DTNA: variants seen among roughly 807,000 people sequenced by gnomAD.
DTNA encodes the protein dystrobrevin alpha.
Under a neutral mutation model 100.7 loss-of-function variants are expected in DTNA, and 43 were observed. The observed-to-expected ratio is 0.43, with a 90% CI of 0.33 to 0.55. The LOEUF (loss-of-function observed/expected upper bound fraction) is 0.55. Among genes scored for constraint, DTNA ranks in the 20% least tolerant of loss-of-function variants. The pLI is 0.04. For missense variants in DTNA, 798 were observed against 953.9 expected (o/e 0.84, Z 2.15); for synonymous variants, 349 against 347.9 (o/e 1.00, Z -0.04).
chr18:34,774,629 C>T (rs2093952276), intron 3 of DTNA, among the ~76,000 whole-genome samples: 1 of 152,150 alleles, frequency 6.6e-6, no homozygotes, highest in African/African-American at 2.4e-5. Flanking sequence ...GAAATTCATC[C>T]CTATTTGCAT....
rs150909434 is a variant in DTNA at position 34,791,991 on chromosome 18, G to A, written c.149-2046G>A. Among the ~76,000 whole-genome samples the A allele has an allele frequency of 1.6e-3, 237 of 152,290 alleles. 1 individual carries two copies. Among genetic ancestry groups the A allele is most frequent in the African/African-American group, 5.0e-3 (209 of 41,560 alleles). On this transcript the variant is annotated intron_variant, in intron 3 of 22. Coordinates refer to ENST00000444659, the MANE Select transcript of DTNA (RefSeq NM_001386795.1). ...CCAAGTCCAGTGCTCCTTGAGCACA[G>A]GTATCTTCCCTTCATAACATAAAAC...
intron 17 of DTNA, among the ~76,000 whole-genome samples, chr18:34,871,850 AC>A (rs977395787): frequency 2.0e-5 from 3 of 152,152 alleles, no homozygotes; most frequent in Admixed American, 6.5e-5. Context: ...TCAGTGTCCT[AC>A]CCCCAAAAGT....
At chr18:34,841,074 C>T (rs1365964836) in intron 13 of DTNA, among the ~76,000 whole-genome samples, 1 of 149,738 alleles carries the variant, frequency 6.7e-6, no homozygotes, top group Non-Finnish European at 1.5e-5. Context: ...CATAATTTCT[C>T]CTAGTCCTTA....
At chr18:34,737,017 C>G (rs2089739035) in intron 1 of DTNA, among the ~76,000 whole-genome samples, 1 of 152,034 alleles carries the variant, frequency 6.6e-6, no homozygotes, top group Non-Finnish European at 1.5e-5. Flanking sequence ...TCCTTCAAAA[C>G]CAGGGAGTAG....
intron 1 of DTNA, among the ~76,000 whole-genome samples, chr18:34,618,842 A>T (rs1182551656): frequency 6.6e-6 from 1 of 152,192 alleles, no homozygotes; most frequent in Non-Finnish European, 1.5e-5. Context: ...CCATGTACCA[A>T]TTAATTTATT....
chr18:34,830,773 G>T (rs16966047), intron 11 of DTNA, among the ~76,000 whole-genome samples: 2 of 152,126 alleles, frequency 1.3e-5, no homozygotes, highest in Non-Finnish European at 2.9e-5. Context: ...TTGATGGACC[G>T]ATTCACTTCA....
At chr18:34,648,928 A>G (rs541827964) in intron 1 of DTNA, among the ~76,000 whole-genome samples, 15 of 152,322 alleles carry the variant, frequency 9.8e-5, no homozygotes, top group African/African-American at 3.4e-4. Context: ...ATTTTGGACA[A>G]TCTTTAATAT....
At chr18:34,597,039 TC>T (rs2050770061) in intron 1 of DTNA, among the ~76,000 whole-genome samples, 1 of 152,100 alleles carries the variant, frequency 6.6e-6, no homozygotes, top group Non-Finnish European at 1.5e-5. Context: ...TGTGTGATGT[TC>T]CCCTCCCTGT....
chr18:34,873,419 G>C (rs1432874743), intron 17 of DTNA, among the ~76,000 whole-genome samples: 2 of 152,190 alleles, frequency 1.3e-5, no homozygotes, highest in Non-Finnish European at 2.9e-5. Flanking sequence ...CCTTAAAAAG[G>C]GTGTACAAGA....
At chr18:34,867,149 G>A in intron 17 of DTNA, 1 of 1,231,230 alleles carries the variant, frequency 8.1e-7, no homozygotes, top group Non-Finnish European at 1.0e-6. Context: ...ACCACAACCT[G>A]TCCAATTTCA....
At chr18:34,659,295 T>A (rs2074834234) in intron 1 of DTNA, among the ~76,000 whole-genome samples, 1 of 152,242 alleles carries the variant, frequency 6.6e-6, no homozygotes, top group Admixed American at 6.5e-5. Flanking sequence ...AAAACTATTA[T>A]CATTTCAACA....
intron 1 of DTNA, among the ~76,000 whole-genome samples, chr18:34,603,548 G>T (rs780790738): frequency 2.6e-5 from 4 of 151,096 alleles, no homozygotes; most frequent in Non-Finnish European, 4.4e-5. Flanking sequence ...TTGTTAAATG[G>T]CATTGATTTT....
intron 1 of DTNA, among the ~76,000 whole-genome samples, chr18:34,740,965 A>C (rs1054226453): frequency 6.6e-6 from 1 of 152,146 alleles, no homozygotes; most frequent in Admixed American, 6.5e-5. Flanking sequence ...CATGAATCAG[A>C]GGAGCATGAT....
intron 19 of DTNA, among the ~76,000 whole-genome samples, chr18:34,878,475 A>G (rs2096840525): frequency 6.6e-6 from 1 of 151,874 alleles, no homozygotes; most frequent in African/African-American, 2.4e-5. Context: ...CAAGTGTATT[A>G]TTTATCTTTT....
intron 5 of DTNA, 68 bp downstream of exon 5, chr18:34,806,372 T>C: frequency 7.9e-7 from 1 of 1,270,464 alleles, no homozygotes; most frequent in Non-Finnish European, 1.1e-6. Flanking sequence ...CTCTCCCTCA[T>C]TCCTCTATGT....
At chr18:34,576,678 C>T (rs1167791702) in intron 1 of DTNA, among the ~76,000 whole-genome samples, 3 of 152,058 alleles carry the variant, frequency 2.0e-5, no homozygotes, top group African/African-American at 4.8e-5. Flanking sequence ...AGGCTGGTCT[C>T]GAATTCCCAA....
intron 1 of DTNA, among the ~76,000 whole-genome samples, chr18:34,634,156 G>T (rs1035802584): frequency 6.6e-6 from 1 of 152,094 alleles, no homozygotes; most frequent in Non-Finnish European, 1.5e-5. Flanking sequence ...ATTCACTGTG[G>T]TTGCATTTTT....
chr18:34,505,275 T>C (rs539913347), intron 1 of DTNA, among the ~76,000 whole-genome samples: 5 of 152,230 alleles, frequency 3.3e-5, no homozygotes, highest in Non-Finnish European at 7.3e-5. Flanking sequence ...TACTTACTTT[T>C]CTGCGGCCAG....
At chr18:34,863,260 G>A (rs182282180) in intron 16 of DTNA, among the ~76,000 whole-genome samples, 5 of 152,184 alleles carry the variant, frequency 3.3e-5, no homozygotes, top group Admixed American at 2.0e-4. Context: ...ATAAATGATC[G>A]AGTATAGATT....
Sources: allele counts gnomAD v4.1 joint callset (sites outside exome capture counted in the v4.1 genomes callset), GRCh38; gene constraint gnomAD v4.1.1; transcripts MANE v1.5; gene names NCBI Gene and HGNC (gene_info 2026-07-23, HGNC 2026-07-21).